The following RANBP17 variants were observed in gnomAD, a reference collection of about 807,000 sequenced individuals.
RANBP17 encodes the protein ran-binding protein 17.
RANBP17 carries 158 observed loss-of-function variants against 141.2 expected under a neutral mutation model. That is an observed-to-expected ratio of 1.12 (90% CI 0.98 to 1.28). The LOEUF (loss-of-function observed/expected upper bound fraction) is 1.28, where lower values mean the gene tolerates loss of function less well. Among genes scored for constraint, RANBP17 ranks in the 50% most tolerant of loss-of-function variants. RANBP17 has a pLI of 0.00. For synonymous variants in RANBP17, 430 were observed against 450.0 expected (o/e 0.96, Z 0.56); for missense variants, 1,438 against 1,290.7 (o/e 1.11, Z -1.75).
At chr5:171,157,937 A>G (rs1363408756) in intron 14 of RANBP17, among the ~76,000 whole-genome samples, 3 of 152,344 alleles carry the variant, frequency 2.0e-5, no homozygotes, top group Non-Finnish European at 1.5e-5. Flanking sequence ...CTCCATTGCT[A>G]TGCCTGCAGG....
At chr5:171,163,959 G>T (rs2127862865) in intron 14 of RANBP17, among the ~76,000 whole-genome samples, 1 of 152,158 alleles carries the variant, frequency 6.6e-6, no homozygotes, top group South Asian at 2.1e-4. Flanking sequence ...AGGCCTAAGG[G>T]TATTAACTTA....
rs1453788692 is a variant in RANBP17 at position 170,968,274 on chromosome 5, G to T, written c.1607G>T (p.Gly536Val). ...CAGCTTATATCTTTAATGGATACCG[G>T]ATTGCCTCGATGTTGTAATGAGAAA... Reference protein sequence around the residue: ...VFQLISLMDTGLPRCCNEKIE... With the variant: ...VFQLISLMDTVLPRCCNEKIE... Residue 536 changes from glycine to valine, a missense_variant, in exon 14 of 28, where the codon GGA becomes GTA. Physicochemically the swap from Gly to Val is moderately radical, Grantham distance 109 (BLOSUM62 -3). Coordinates refer to ENST00000523189, the MANE Select transcript of RANBP17 (RefSeq NM_022897.5). 4.4e-6 allele frequency: 7 copies of T among 1,600,958 alleles called. No individual in the cohort carries two copies. Among genetic ancestry groups the T allele is most frequent in the Non-Finnish European group, 6.0e-6 (7 of 1,175,478 alleles).
At chr5:171,106,954 C>T (rs1012842385) in intron 14 of RANBP17, among the ~76,000 whole-genome samples, 35 of 152,090 alleles carry the variant, frequency 2.3e-4, no homozygotes, top group Non-Finnish European at 4.4e-5. Context: ...TCAAAAGATA[C>T]TCATACTTGG....
At chr5:171,018,677 A>C (rs1780621613) in intron 14 of RANBP17, among the ~76,000 whole-genome samples, 1 of 152,178 alleles carries the variant, frequency 6.6e-6, no homozygotes, top group African/African-American at 2.4e-5. Flanking sequence ...GGGGTTTTCT[A>C]AATATAAAAT....
intron 24 of RANBP17, among the ~76,000 whole-genome samples, chr5:171,250,159 A>G (rs1421200449): frequency 2.0e-5 from 3 of 152,232 alleles, no homozygotes; most frequent in African/African-American, 7.2e-5. Flanking sequence ...CAGTAAAATT[A>G]ACCTTTGTAA....
At position 171,183,236 on chromosome 5, in the gene RANBP17, T is replaced by C. The variant is rs199811364; in HGVS notation, c.1929+6T>C. ...TCATGCTAAAAAACCACACGGTAAG[T>C]CTTATTTCTTTAATTAATGAATAAC... On this transcript the variant is annotated splice_donor_region_variant and intron_variant, in intron 17 of 27. Transcript: ENST00000523189. 639 of 1,598,116 alleles carry C rather than the reference T, an allele frequency of 4.0e-4. 1 individual carries two copies. Among genetic ancestry groups the C allele is most frequent in the Non-Finnish European group, 5.0e-4 (582 of 1,165,556 alleles).
intron 14 of RANBP17, among the ~76,000 whole-genome samples, chr5:171,101,018 A>G: frequency 6.6e-6 from 1 of 152,178 alleles, no homozygotes; most frequent in Non-Finnish European, 1.5e-5. Flanking sequence ...TTTTACTTCC[A>G]ATTATGTGAT....
rs1245634574 is a variant in RANBP17, at chr5:171,062,128, G to A, written c.1710+93751G>A. ...CTCTTTATCCAATTTGCCAGTCTGT[G>A]TCTTTTAATTGGAGCATTTAGTCCA... is the stretch of plus-strand genomic sequence containing the variant. On this transcript the variant is annotated intron_variant, in intron 14 of 27. Transcript: ENST00000523189. 2.3e-4 allele frequency among the ~76,000 whole-genome samples: 35 copies of A among 151,772 alleles called. 1 individual carries two copies. Among genetic ancestry groups the A allele is most frequent in the Non-Finnish European group, 2.9e-5 (2 of 67,910 alleles).
chr5:170,989,072 A>C (rs1778339826), intron 14 of RANBP17, among the ~76,000 whole-genome samples: 1 of 151,852 alleles, frequency 6.6e-6, no homozygotes, highest in Non-Finnish European at 1.5e-5. Context: ...CCCTCTACTA[A>C]GTTTTTACTA....
At chr5:171,136,363 C>G (rs767560624) in intron 14 of RANBP17, among the ~76,000 whole-genome samples, 1 of 151,952 alleles carries the variant, frequency 6.6e-6, no homozygotes, top group African/African-American at 2.4e-5. Context: ...GTTATATCTA[C>G]GTATTTTATA....
At chr5:171,206,520 A>C (rs1342737904) in intron 20 of RANBP17, 1 of 158,056 alleles carries the variant, frequency 6.3e-6, no homozygotes, top group East Asian at 1.6e-4. Context: ...TTATGCATGA[A>C]ACCATCAGAG....
rs138110619 is a variant in RANBP17, at chr5:171,264,461, T to C, written c.2777-1220T>C. 3.6e-3 allele frequency among the ~76,000 whole-genome samples: 549 copies of C among 152,336 alleles called. 4 individuals are homozygous for C. The highest frequency in any genetic ancestry group is 0.013 in the African/African-American group (522 of 41,574). ...GAGTTCAACTCCTTGTTTATTTTCA[T>C]ACCTTGGCTGTGCAGTCTTCTAGCT... On this transcript the variant is annotated intron_variant, in intron 24 of 27. Transcript: ENST00000523189.
intron 14 of RANBP17, among the ~76,000 whole-genome samples, chr5:171,015,598 A>C (rs1399184017): frequency 6.6e-6 from 1 of 152,034 alleles, no homozygotes; most frequent in East Asian, 1.9e-4. Context: ...ATAATCTGTA[A>C]ATTTTTCTTC....
intron 12 of RANBP17, among the ~76,000 whole-genome samples, chr5:170,934,644 C>T (rs7714726): frequency 0.61 from 93,146 of 152,054 alleles, 29,931 homozygotes; most frequent in South Asian, 0.9. Flanking sequence ...CCACTCTCTT[C>T]TGGCTTGTAG....
intron 14 of RANBP17, among the ~76,000 whole-genome samples, chr5:171,080,710 A>G (rs935601861): frequency 1.3e-5 from 2 of 152,194 alleles, no homozygotes; most frequent in African/African-American, 4.8e-5. Flanking sequence ...TCAACCTTTT[A>G]CGGGAAAATA....
intron 12 of RANBP17, among the ~76,000 whole-genome samples, chr5:170,935,024 TA>T (rs1773739686): frequency 6.6e-6 from 1 of 152,208 alleles, no homozygotes; most frequent in Non-Finnish European, 1.5e-5. Context: ...CTTTTTTCTC[TA>T]AACTTCTCTT....
intron 24 of RANBP17, among the ~76,000 whole-genome samples, chr5:171,254,650 T>A (rs1451480426): frequency 1.4e-4 from 22 of 152,222 alleles, no homozygotes; most frequent in Non-Finnish European, 1.5e-5. Flanking sequence ...ATGTACATAA[T>A]ATATGTAAAC....
At chr5:170,919,044 ATATC>A (rs1184744590) in intron 10 of RANBP17, among the ~76,000 whole-genome samples, 185 bp downstream of exon 10, 2 of 152,092 alleles carry the variant, frequency 1.3e-5, no homozygotes, top group African/African-American at 2.4e-5. Context: ...AGCTATTTAA[ATATC>A]TAATAATTGA....
chr5:171,250,182 T>C (rs895202225), intron 24 of RANBP17, among the ~76,000 whole-genome samples: 1 of 152,114 alleles, frequency 6.6e-6, no homozygotes, highest in African/African-American at 2.4e-5. Context: ...GAAGGAGATA[T>C]AAAGTCTTTC....
Sources: allele counts gnomAD v4.1 joint callset (sites outside exome capture counted in the v4.1 genomes callset), GRCh38; gene constraint gnomAD v4.1.1; transcripts MANE v1.5; gene names NCBI Gene and HGNC (gene_info 2026-07-23, HGNC 2026-07-21).